Variants in KLF12 observed in about 807,000 individuals in gnomAD.
KLF12 encodes the protein KLF transcription factor 12, also known as Krueppel-like factor 12.
In KLF12, 9 loss-of-function variants were observed where a neutral mutation model predicts 37.8. That is an observed-to-expected ratio of 0.24 (90% CI 0.14 to 0.42). The LOEUF is 0.42. Among genes scored for constraint, KLF12 ranks in the 10% least tolerant of loss-of-function variants. KLF12 has a pLI of 1.00. For missense variants in KLF12, 411 were observed against 516.0 expected (o/e 0.80, Z 1.97); for synonymous variants, 208 against 202.1 (o/e 1.03, Z -0.25).
intron 6 of KLF12, among the ~76,000 whole-genome samples, chr13:73,744,371 T>C (rs1371289368): frequency 1.3e-5 from 2 of 152,122 alleles, no homozygotes; most frequent in Non-Finnish European, 2.9e-5. Context: ...CAAGGGTTGG[T>C]TGTGAATTTC....
At chr13:73,904,061 C>T (rs547810869) in intron 3 of KLF12, among the ~76,000 whole-genome samples, 9 of 152,288 alleles carry the variant, frequency 5.9e-5, no homozygotes, top group African/African-American at 2.2e-4. Flanking sequence ...CATAATCAGA[C>T]ATTTTTAAAG....
intron 1 of KLF12, among the ~76,000 whole-genome samples, chr13:74,003,326 A>T (rs1892328737): frequency 6.6e-6 from 1 of 152,200 alleles, no homozygotes; most frequent in Non-Finnish European, 1.5e-5. Flanking sequence ...TTTGAGAATA[A>T]TCATACATGT....
chr13:74,186,250 C>T, the KLF12 span, among the ~76,000 whole-genome samples: 1 of 152,120 alleles, frequency 6.6e-6, no homozygotes, highest in East Asian at 1.9e-4. Context: ...GCAACAGCTT[C>T]TCTTCCTGGT....
intron 2 of KLF12, among the ~76,000 whole-genome samples, chr13:73,975,155 T>C (rs9573337): frequency 0.034 from 5,204 of 152,334 alleles, 263 homozygotes; most frequent in East Asian, 0.12. Context: ...ACTTTTTTTG[T>C]TGTGCTTCTG....
intron 5 of KLF12, among the ~76,000 whole-genome samples, chr13:73,805,483 G>T (rs1450871161): frequency 6.6e-6 from 1 of 151,616 alleles, no homozygotes; most frequent in African/African-American, 2.4e-5. Flanking sequence ...CTGGCCTCAC[G>T]GCACACACTT....
At chr13:74,237,421 G>A in the KLF12 span, among the ~76,000 whole-genome samples, 26 of 139,260 alleles carry the variant, frequency 1.9e-4, no homozygotes, top group South Asian at 6.6e-4. Context: ...ATTTGGCGAC[G>A]CGGGCTCTTT....
At chr13:74,050,151 A>AG (rs1220706871) in intron 1 of KLF12, among the ~76,000 whole-genome samples, 1 of 152,222 alleles carries the variant, frequency 6.6e-6, no homozygotes, top group African/African-American at 2.4e-5. Flanking sequence ...TCAGAGAGAA[A>AG]GAAAAAAAAA....
chr13:74,180,081 C>G, the KLF12 span, among the ~76,000 whole-genome samples: 1 of 152,158 alleles, frequency 6.6e-6, no homozygotes, highest in South Asian at 2.1e-4. Flanking sequence ...CTGGCACATT[C>G]CTTGGCTGTT....
At chr13:73,753,817 T>C (rs981457334) in intron 6 of KLF12, among the ~76,000 whole-genome samples, 7 of 152,136 alleles carry the variant, frequency 4.6e-5, no homozygotes, top group African/African-American at 1.7e-4. Context: ...ACATGGAAGC[T>C]AGGCAGAGAA....
At chr13:74,260,628 T>TAGAATAAAATAAAATG in the KLF12 span, among the ~76,000 whole-genome samples, 1 of 139,992 alleles carries the variant, frequency 7.1e-6, no homozygotes, top group African/African-American at 2.7e-5. Flanking sequence ...TAAAATAAAA[T>TAGAATAAAATAAAATG]AGTGAATTAA....
intron 1 of KLF12, among the ~76,000 whole-genome samples, chr13:74,095,770 C>T (rs1875946704): frequency 6.6e-6 from 1 of 152,176 alleles, no homozygotes; most frequent in Non-Finnish European, 1.5e-5. Flanking sequence ...TGAATTAAAA[C>T]AATTTAAACC....
intron 3 of KLF12, among the ~76,000 whole-genome samples, chr13:73,930,320 C>T (rs1341312246): frequency 6.6e-6 from 1 of 152,150 alleles, no homozygotes; most frequent in East Asian, 1.9e-4. Context: ...AAACTGGCCA[C>T]ATCATATGTC....
chr13:73,923,631 TCA>T (rs1043476441), intron 3 of KLF12, among the ~76,000 whole-genome samples: 2 of 152,094 alleles, frequency 1.3e-5, no homozygotes, highest in African/African-American at 4.8e-5. Context: ...ACCTTAGAAA[TCA>T]CAGTCCCCAG....
chr13:73,915,768 G>A (rs1002156580), intron 3 of KLF12, among the ~76,000 whole-genome samples: 3 of 145,620 alleles, frequency 2.1e-5, no homozygotes, highest in Admixed American at 7.1e-5. Flanking sequence ...TCCTGACCTC[G>A]TGATCCACCC....
At chr13:74,011,544 A>C (rs754815480) in intron 1 of KLF12, among the ~76,000 whole-genome samples, 3 of 152,304 alleles carry the variant, frequency 2.0e-5, no homozygotes, top group Middle Eastern at 3.4e-3. Context: ...GCATCCATGG[A>C]TTCAATTAAC....
chr13:74,298,093 T>C, the KLF12 span, among the ~76,000 whole-genome samples: 2 of 152,368 alleles, frequency 1.3e-5, no homozygotes, highest in South Asian at 4.1e-4. Context: ...TCTGCTATTC[T>C]GGTAGCAGAG....
At chr13:73,752,730 A>T (rs12323170) in intron 6 of KLF12, among the ~76,000 whole-genome samples, 87,704 of 119,406 alleles carry the variant, frequency 0.73, 29,876 homozygotes, top group East Asian at 0.89. Context: ...CCACATATAT[A>T]TTTTTTTTTT....
chr13:73,799,583 A>T (rs1013009998), intron 5 of KLF12, among the ~76,000 whole-genome samples: 2 of 152,090 alleles, frequency 1.3e-5, no homozygotes, highest in Non-Finnish European at 2.9e-5. Context: ...CTTAACTTGG[A>T]TAATAAGTCT....
chr13:73,848,008 A>T (rs993982094), intron 3 of KLF12, among the ~76,000 whole-genome samples: 2 of 152,210 alleles, frequency 1.3e-5, no homozygotes, highest in Non-Finnish European at 2.9e-5. Context: ...TTGCTTTCAT[A>T]AAAGACATCA....
Sources: gnomAD v4.1 joint callset for allele counts (sites outside exome capture counted in the v4.1 genomes callset) on GRCh38, gnomAD v4.1.1 for gene constraint, MANE v1.5 for transcripts, NCBI Gene and HGNC (gene_info 2026-07-23, HGNC 2026-07-21) for gene names.